The following BEGAIN variants were observed in gnomAD, a reference collection of about 807,000 sequenced individuals.
BEGAIN encodes brain-enriched guanylate kinase-associated protein.
A neutral mutation model predicts 35.8 loss-of-function variants in BEGAIN; 19 were observed. The ratio of observed to expected loss-of-function variants is 0.53; its 90% CI spans 0.37 to 0.78. The LOEUF (loss-of-function observed/expected upper bound fraction) is 0.78. Among genes scored for constraint, BEGAIN ranks in the 30% least tolerant of loss-of-function variants. The probability of loss-of-function intolerance (pLI) is 0.00; values close to 1 mark genes in which losing one functional copy is unlikely to be tolerated. For missense variants in BEGAIN, 795 were observed against 853.6 expected, an observed-to-expected ratio of 0.93 and a Z score of 0.85; for synonymous variants, 462 against 388.6, an observed-to-expected ratio of 1.19 and a Z score of -2.22.
At chr14:100,542,075 G>C (rs750196915) in intron 5 of BEGAIN, among the ~76,000 whole-genome samples, 5 of 152,204 alleles carry the variant, frequency 3.3e-5, no homozygotes, top group Non-Finnish European at 7.3e-5. Context: ...TGTCCACTTA[G>C]GTAAGGGGCC....
At position 100,586,691 on chromosome 14, in the gene BEGAIN, T is replaced by C. The variant is rs2035452212; in HGVS notation, c.42+558A>G. Reference sequence around the variant, plus strand: ...CGCCTGTAAAGGGGCAGGAGGATAGTACCTGCCGCGAGGTACTGAATGGGA... The same window carrying C: ...CGCCTGTAAAGGGGCAGGAGGATAGCACCTGCCGCGAGGTACTGAATGGGA... On this transcript the variant is annotated intron_variant, in intron 1 of 6. Coordinates refer to ENST00000554140, the MANE Select transcript of BEGAIN (RefSeq NM_001385089.1). This position sits in a 1 kb window ranked among gnomAD's most constrained non-coding sequence, Gnocchi z 4.9. 6.6e-6 allele frequency among the ~76,000 whole-genome samples: 1 copy of C among 152,176 alleles called. No individual in the cohort carries two copies. The highest frequency in any genetic ancestry group is 1.5e-5 in the Non-Finnish European group (1 of 68,018).
chr14:100,576,006 G>A lies in BEGAIN; in HGVS notation c.43-8067C>T, dbSNP rs186388974. On this transcript the variant is annotated intron_variant, in intron 1 of 6. Coordinates refer to ENST00000554140, the MANE Select transcript of BEGAIN (RefSeq NM_001385089.1). ...GGCTCCCAGCTCACCACCCCTGGAG[G>A]AGCAGGCGGGGAAACAATGCTTATT... Among the ~76,000 whole-genome samples the A allele has an allele frequency of 2.0e-3, 305 of 152,258 alleles. 4 individuals carry two copies. Among genetic ancestry groups the A allele is most frequent in the Non-Finnish European group, 1.6e-3 (107 of 68,000 alleles).
chr14:100,557,761 C>T lies in BEGAIN; in HGVS notation c.71+10150G>A, dbSNP rs556129718. The stretch of plus-strand genomic sequence containing the variant: ...CTAGGCGTGCCTGTGCCATTCCCCT[C>T]GACTTTCCTGGAAAGTGACTTCATG... On this transcript the variant is annotated intron_variant, in intron 2 of 6. Transcript: ENST00000554140. Among the ~76,000 whole-genome samples the T allele has an allele frequency of 5.3e-5, 8 of 152,280 alleles. No homozygotes were observed. In the East Asian group the frequency reaches 1.3e-3, roughly 26 times the overall value.
chr14:100,543,908 T>C lies in BEGAIN; in HGVS notation c.358A>G (p.Ser120Gly), dbSNP rs756398964. The C allele has an allele frequency of 2.5e-6, 4 of 1,613,696 alleles. No individual in the cohort carries two copies. The South Asian group carries it at 3.3e-5, about 13-fold the overall frequency. ...ALSHEIVALN[S>G]HLLEAKVTID... ...GTCACCTTGGCTTCTAGCAGATGGC[T>C]GTTGAGGGCAACAATCTCGTGGCTC... The change falls in exon 5 of 7, where the codon AGC (serine) becomes GGC (glycine). Residue 120 changes from serine to glycine, a missense_variant. Ser to Gly is a moderately conservative substitution (Grantham distance 56, BLOSUM62 0). Coordinates refer to ENST00000554140, the MANE Select transcript of BEGAIN (RefSeq NM_001385089.1).
At chr14:100,562,817 A>G (rs1345801656) in intron 2 of BEGAIN, among the ~76,000 whole-genome samples, 1 of 152,106 alleles carries the variant, frequency 6.6e-6, no homozygotes, top group Non-Finnish European at 1.5e-5. Flanking sequence ...TCCCCGCAGC[A>G]CTTGTCACCG....
intron 2 of BEGAIN, among the ~76,000 whole-genome samples, chr14:100,553,892 C>T (rs1292882320): frequency 6.6e-6 from 1 of 152,224 alleles, no homozygotes; most frequent in African/African-American, 2.4e-5. Flanking sequence ...CTCCCTGGCT[C>T]CCCACTGCCC....
chr14:100,564,228 C>A (rs986924560), intron 2 of BEGAIN, among the ~76,000 whole-genome samples: 3 of 152,020 alleles, frequency 2.0e-5, no homozygotes, highest in Non-Finnish European at 4.4e-5. Flanking sequence ...CTAAACTTAA[C>A]CACTGAACTG....
intron 1 of BEGAIN, among the ~76,000 whole-genome samples, chr14:100,574,749 A>T (rs1260353498): frequency 6.6e-6 from 1 of 151,964 alleles, no homozygotes; most frequent in East Asian, 1.9e-4. Context: ...AGCTTTCCCT[A>T]TTATCGGGAG....
chr14:100,580,642 GTA>G (rs2035296091), intron 1 of BEGAIN, among the ~76,000 whole-genome samples: 1 of 152,060 alleles, frequency 6.6e-6, no homozygotes, highest in African/African-American at 2.4e-5. Flanking sequence ...ATTAGATCAA[GTA>G]CCCCTGCGGC....
chr14:100,557,872 G>T (rs1282207100), intron 2 of BEGAIN, among the ~76,000 whole-genome samples: 1 of 151,984 alleles, frequency 6.6e-6, no homozygotes, highest in Non-Finnish European at 1.5e-5. Context: ...TTCCCTTTCT[G>T]CTGAGAAGTG....
intron 4 of BEGAIN, 56 bp from the exon 5 acceptor site, chr14:100,544,021 C>T: frequency 1.5e-6 from 2 of 1,362,516 alleles, no homozygotes; most frequent in Non-Finnish European, 2.0e-6. Context: ...GTGAGCCAAC[C>T]CAGTCGCTCG....
chr14:100,554,791 C>T (rs1251574326), intron 2 of BEGAIN, among the ~76,000 whole-genome samples: 2 of 152,216 alleles, frequency 1.3e-5, no homozygotes, highest in Non-Finnish European at 2.9e-5. Context: ...TGCCCCAACT[C>T]CTCTCTGTAC....
intron 1 of BEGAIN, among the ~76,000 whole-genome samples, chr14:100,575,023 C>T (rs763173769): frequency 6.6e-6 from 1 of 152,314 alleles, no homozygotes; most frequent in East Asian, 1.9e-4. Flanking sequence ...TCTACAGTAG[C>T]CTCTTGTTTG....
In BEGAIN at chr14:100,568,306, C is replaced by CTCCCCCCCCCCCCCCCCCTTACCCCTCCT; in HGVS notation, c.43-368_43-367insAGGAGGGGTAAGGGGGGGGGGGGGGGGGA. 1 of 766,256 alleles carries CTCCCCCCCCCCCCCCCCCTTACCCCTCCT rather than the reference C, an allele frequency of 1.3e-6. No individual in the cohort carries two copies. The highest frequency in any genetic ancestry group is 2.8e-5 in the Admixed American group (1 of 36,074). The allele number at this position is 766,256 out of a possible 1,614,324, so 47.5% of individuals were successfully genotyped here. A position where few individuals can be genotyped will look rare whatever the true frequency, so the allele number is the denominator to read the frequency against. The stretch of plus-strand genomic sequence containing the variant: ...CTCTCCGGCGGCCGCGGCCCCGCTG[C>CTCCCCCCCCCCCCCCCCCTTACCCCTCCT]TCCCCCCGCCCCGCCCGTTAACCCT... On this transcript the variant is annotated intron_variant, in intron 1 of 6. Coordinates refer to ENST00000554140, the MANE Select transcript of BEGAIN (RefSeq NM_001385089.1). This position sits in a 1 kb window ranked among gnomAD's most constrained non-coding sequence, Gnocchi z 7.5.
intron 1 of BEGAIN, among the ~76,000 whole-genome samples, chr14:100,578,495 C>A (rs963809002): frequency 6.6e-6 from 1 of 152,250 alleles, no homozygotes; most frequent in African/African-American, 2.4e-5. Context: ...TATTACAGAG[C>A]CTTCATTTTC....
chr14:100,562,741 T>G (rs1376374035), intron 2 of BEGAIN, among the ~76,000 whole-genome samples: 1 of 152,122 alleles, frequency 6.6e-6, no homozygotes, highest in African/African-American at 2.4e-5. Flanking sequence ...CTCAGGGCCT[T>G]CCCTGAGCCA....
rs1322751841 is a variant in BEGAIN, at chr14:100,563,677, A to G, written c.71+4234T>C. 6.6e-6 allele frequency among the ~76,000 whole-genome samples: 1 copy of G among 152,194 alleles called. No homozygotes were observed. The highest frequency in any genetic ancestry group is 6.5e-5 in the Admixed American group (1 of 15,278). ...GTTCCGATCTTCCAGAGCTGACCCTATGCGCACCCTGTGCCCCGGAGGTTC... is the reference window on the plus strand; with the variant it reads ...GTTCCGATCTTCCAGAGCTGACCCTGTGCGCACCCTGTGCCCCGGAGGTTC... On this transcript the variant is annotated intron_variant, in intron 2 of 6. Coordinates refer to ENST00000554140, the MANE Select transcript of BEGAIN (RefSeq NM_001385089.1). The surrounding 1 kb of genome is among the most constrained non-coding windows in gnomAD (Gnocchi z 4.2).
chr14:100,574,540 A>T (rs1437983556), intron 1 of BEGAIN, among the ~76,000 whole-genome samples: 304 of 135,948 alleles, frequency 2.2e-3, no homozygotes, highest in African/African-American at 8.0e-3. Context: ...TTTTTTTTTT[A>T]AACATTTGAG....
chr14:100,559,002 G>A (rs1301690558), intron 2 of BEGAIN, among the ~76,000 whole-genome samples: 1 of 152,184 alleles, frequency 6.6e-6, no homozygotes, highest in Non-Finnish European at 1.5e-5. Flanking sequence ...GAGCAGACAA[G>A]GGGTGGGCCT....
Sources: allele counts gnomAD v4.1 joint callset (sites outside exome capture counted in the v4.1 genomes callset), GRCh38; gene constraint gnomAD v4.1.1; non-coding constraint Gnocchi (gnomAD v3.1); transcripts MANE v1.5; gene names NCBI Gene and HGNC (gene_info 2026-07-23, HGNC 2026-07-21).